Variants in LAMP3 observed in about 807,000 individuals in gnomAD.
The protein encoded by LAMP3 is lysosome associated membrane protein 3.
LAMP3 carries 26 observed loss-of-function variants against 34.8 expected under a neutral mutation model. The ratio of observed to expected loss-of-function variants is 0.75; its 90% CI spans 0.55 to 1.04. LAMP3 has a LOEUF of 1.04. LAMP3 is among the 50% of genes least tolerant of loss of function. LAMP3 has a pLI of 0.00. For synonymous variants in LAMP3, 180 were observed against 201.9 expected (o/e 0.89, Z 0.92); for missense variants, 495 against 524.0 (o/e 0.94, Z 0.54).
rs780562171 is a variant in LAMP3, at chr3:183,135,738, C to T, written c.1096G>A (p.Glu366Lys). ...TTACCATTTCCAAAGTGGTCATCTTCAAAATCAAAGGCTTGAAGTTGGACA... is the reference window on the plus strand; with the variant it reads ...TTACCATTTCCAAAGTGGTCATCTTTAAAATCAAAGGCTTGAAGTTGGACA... Reference protein sequence around the residue: ...TDVQLQAFDFEDDHFGNVDEC... With the variant: ...TDVQLQAFDFKDDHFGNVDEC... The change falls in exon 5 of 6, where the codon GAA (glutamate) becomes AAA (lysine). Residue 366 changes from glutamate (E) to lysine (K), a missense_variant. Glu to Lys is a moderately conservative substitution (Grantham distance 56). Coordinates refer to ENST00000265598, the MANE Select transcript of LAMP3 (RefSeq NM_014398.4). The T allele has an allele frequency of 2.5e-6, 4 of 1,614,032 alleles. No individual in the cohort carries two copies. The highest frequency in any genetic ancestry group is 3.4e-6 in the Non-Finnish European group (4 of 1,180,016).
Position 183,140,649 on chromosome 3 carries a change from A to G in LAMP3, c.889-54T>C, listed in dbSNP as rs1720254929. ...GGTTATCTCTACTCATATGTTTACA[A>G]TCTTGGTTTATAAACTTTGTTTAAG... On this transcript the variant is annotated intron_variant, in intron 3 of 5. Coordinates refer to ENST00000265598, the MANE Select transcript of LAMP3 (RefSeq NM_014398.4). 6.0e-6 allele frequency: 7 copies of G among 1,158,960 alleles called. 1 individual carries two copies. The highest frequency in any genetic ancestry group is 3.6e-5 in the Admixed American group (2 of 55,766). 71.8% of individuals were successfully genotyped at this position (1,158,960 alleles called of 1,614,324 possible).
At chr3:183,132,123 A>G (rs1273955067) in intron 5 of LAMP3, 1 of 985,272 alleles carries the variant, frequency 1.0e-6, no homozygotes, top group Non-Finnish European at 1.2e-6. Flanking sequence ...GTAGCTAAGA[A>G]GGCAGACAAC....
At chr3:183,151,473 G>A (rs1720631399) in intron 3 of LAMP3, among the ~76,000 whole-genome samples, 1 of 145,932 alleles carries the variant, frequency 6.9e-6, no homozygotes, top group Non-Finnish European at 1.5e-5. Context: ...TGTTGCCCAG[G>A]CTGGAGTGCA....
chr3:183,145,804 C>T (rs1720423354), intron 3 of LAMP3, among the ~76,000 whole-genome samples: 1 of 152,130 alleles, frequency 6.6e-6, no homozygotes, highest in Admixed American at 6.5e-5. Context: ...TTGCAGTGAG[C>T]CGAAATCATG....
intron 5 of LAMP3, among the ~76,000 whole-genome samples, chr3:183,134,403 T>C (rs145263435): frequency 6.6e-5 from 10 of 152,348 alleles, no homozygotes; most frequent in African/African-American, 2.4e-4. Flanking sequence ...TTTTATTTCC[T>C]ACCTCTGCCA....
At chr3:183,136,513 C>T (rs1430310768) in intron 4 of LAMP3, among the ~76,000 whole-genome samples, 2 of 152,058 alleles carry the variant, frequency 1.3e-5, no homozygotes, top group East Asian at 1.9e-4. Context: ...TAGCTGGGCG[C>T]GGTGGCACAT....
At chr3:183,135,002 A>C (rs2108598132) in intron 5 of LAMP3, among the ~76,000 whole-genome samples, 1 of 152,312 alleles carries the variant, frequency 6.6e-6, no homozygotes, top group Non-Finnish European at 1.5e-5. Flanking sequence ...CATAGGCAGA[A>C]ATCCTTATAA....
intron 5 of LAMP3, 35 bp downstream of exon 5, chr3:183,135,682 G>T (rs759538289): frequency 1.5e-5 from 24 of 1,600,596 alleles, no homozygotes; most frequent in Non-Finnish European, 1.8e-5. Context: ...GGTCTCTAAA[G>T]TGTATGTTTG....
At position 183,124,083 on chromosome 3, in the gene LAMP3, A is replaced by C. The variant is rs758237348; in HGVS notation, c.1249T>G (p.Ter417GluextTer12). ...TTTTCATTCCCCCCGGGCAACAATT[A>C]GATTCTCTGGTATCCAGATGATTGA... ...RCQSSGYQRI[*>E] The change falls in exon 6 of 6, where the codon TAA becomes GAA. Residue 417 changes from the stop codon to glutamate (E), a stop_lost. Transcript: ENST00000265598. The C allele has an allele frequency of 9.3e-6, 15 of 1,614,140 alleles. No individual in the cohort carries two copies. The Admixed American group carries it at 2.5e-4, about 27-fold the overall frequency.
intron 1 of LAMP3, among the ~76,000 whole-genome samples, chr3:183,155,900 A>G (rs902980877): frequency 2.0e-5 from 3 of 152,334 alleles, no homozygotes; most frequent in African/African-American, 7.2e-5. Flanking sequence ...AGTTGGTTTA[A>G]GTAAAACTCT....
intron 3 of LAMP3, 52 bp from the exon 4 acceptor site, chr3:183,140,647 C>T (rs1286453523): frequency 1.7e-6 from 2 of 1,171,344 alleles, no homozygotes; most frequent in Admixed American, 1.8e-5. Flanking sequence ...CATATGTTTA[C>T]AATCTTGGTT....
At position 183,142,543 on chromosome 3, in the gene LAMP3, C is replaced by T. The variant is rs1039536964; in HGVS notation, c.889-1948G>A. Among the ~76,000 whole-genome samples the T allele has an allele frequency of 2.6e-5, 4 of 152,186 alleles. No individual in the cohort carries two copies. In the East Asian group the frequency reaches 5.8e-4, roughly 22 times the overall value. On this transcript the variant is annotated intron_variant, in intron 3 of 5. Coordinates refer to ENST00000265598, the MANE Select transcript of LAMP3 (RefSeq NM_014398.4). The stretch of plus-strand genomic sequence containing the variant: ...GACCCCGAGACAGAATCGATATTAA[C>T]AGACCATTTTACAGCTGAGAACAAA...
At position 183,162,720 on chromosome 3, in the gene LAMP3, G is replaced by C; in HGVS notation, c.-65C>G. On this transcript the variant is annotated 5_prime_UTR_variant, in exon 1 of 6. Coordinates refer to ENST00000265598, the MANE Select transcript of LAMP3 (RefSeq NM_014398.4). ...CCGGGCAGGCCCCGAATCGGTGCCA[G>C]AGAAACCTACCTGTGCCGGAGAAAC... 1.4e-6 allele frequency: 2 copies of C among 1,406,626 alleles called. No individual in the cohort carries two copies. The highest frequency in any genetic ancestry group is 1.9e-6 in the Non-Finnish European group (2 of 1,067,144). The allele number at this position is 1,406,626 out of a possible 1,614,324, so 87.1% of individuals were successfully genotyped here. A position where few individuals can be genotyped will look rare whatever the true frequency, so the allele number is the denominator to read the frequency against.
At chr3:183,142,329 G>A (rs1720309284) in intron 3 of LAMP3, among the ~76,000 whole-genome samples, 1 of 152,146 alleles carries the variant, frequency 6.6e-6, no homozygotes, top group African/African-American at 2.4e-5. Flanking sequence ...TGCACTGTGA[G>A]ATTGATTTGA....
chr3:183,125,744 T>C (rs192259946), intron 5 of LAMP3, among the ~76,000 whole-genome samples: 19 of 152,334 alleles, frequency 1.2e-4, no homozygotes, highest in Admixed American at 1.2e-3. Flanking sequence ...TTGTTACTTA[T>C]ATATGTTTCT....
At chr3:183,127,214 A>G (rs1223152046) in intron 5 of LAMP3, among the ~76,000 whole-genome samples, 1 of 152,120 alleles carries the variant, frequency 6.6e-6, no homozygotes, top group Non-Finnish European at 1.5e-5. Flanking sequence ...AGCTCACTGA[A>G]GCCTCCAGCT....
At chr3:183,145,660 A>T (rs1720417905) in intron 3 of LAMP3, among the ~76,000 whole-genome samples, 1 of 152,190 alleles carries the variant, frequency 6.6e-6, no homozygotes, top group South Asian at 2.1e-4. Flanking sequence ...CTTCGAGATC[A>T]GCCTGGCCAA....
Position 183,153,796 on chromosome 3 carries a change from G to A in LAMP3, c.645C>T (p.Thr215=). 6.3e-7 allele frequency: 1 copy of A among 1,589,906 alleles called. No individual in the cohort carries two copies. Among genetic ancestry groups the A allele is most frequent in the East Asian group, 2.2e-5 (1 of 44,760 alleles). The stretch of plus-strand genomic sequence containing the variant: ...TGACTGACGATGGCTGAGGTGCAAG[G>A]GTGGGCCCAGGAACCGTGGAGGCAG... ...AAPASTVPGP[T]LAPQPSSVKT... The change falls in exon 2 of 6, where the codon ACC becomes ACT. Residue 215 remains threonine, a synonymous_variant. Coordinates refer to ENST00000265598, the MANE Select transcript of LAMP3 (RefSeq NM_014398.4).
chr3:183,136,822 G>A (rs1466243024), intron 4 of LAMP3, among the ~76,000 whole-genome samples: 5 of 151,994 alleles, frequency 3.3e-5, no homozygotes, highest in Non-Finnish European at 7.4e-5. Context: ...AGGAAGTGGA[G>A]GCTTCCAGGC....
Sources: gnomAD v4.1 joint callset for allele counts (sites outside exome capture counted in the v4.1 genomes callset) on GRCh38, gnomAD v4.1.1 for gene constraint, MANE v1.5 for transcripts, NCBI Gene and HGNC (gene_info 2026-07-23, HGNC 2026-07-21) for gene names.